Variants in NRP1 observed in about 807,000 individuals in gnomAD.
NRP1 encodes the protein neuropilin 1.
A neutral mutation model predicts 106.7 loss-of-function variants in NRP1; 35 were observed. The ratio of observed to expected loss-of-function variants is 0.33; its 90% CI spans 0.25 to 0.43. The LOEUF is 0.43. NRP1 is among the 20% of genes least tolerant of loss of function. NRP1 has a pLI of 1.00. For missense variants in NRP1, 1,024 were observed against 1,170.4 expected (o/e 0.87, Z 1.83); for synonymous variants, 437 against 417.9 (o/e 1.05, Z -0.56).
chr10:33,291,200 T>C (rs1420607162), intron 2 of NRP1, among the ~76,000 whole-genome samples: 1 of 152,204 alleles, frequency 6.6e-6, no homozygotes, highest in African/African-American at 2.4e-5. Context: ...TCAGCTATTA[T>C]CTGGGCAGTA....
intron 7 of NRP1, among the ~76,000 whole-genome samples, chr10:33,225,552 G>A (rs1484273435): frequency 2.0e-5 from 3 of 152,210 alleles, no homozygotes; most frequent in African/African-American, 4.8e-5. Context: ...AGGGCAGAGC[G>A]CCGAGGGACA....
intron 6 of NRP1, among the ~76,000 whole-genome samples, chr10:33,246,538 G>C (rs906846884): frequency 2.0e-5 from 3 of 151,656 alleles, no homozygotes; most frequent in African/African-American, 7.3e-5. Context: ...CTTCCTTCCA[G>C]ATGAATGTTT....
chr10:33,297,686 C>CA (rs10711145), intron 2 of NRP1, among the ~76,000 whole-genome samples: 18,421 of 95,888 alleles, frequency 0.19, 1,837 homozygotes, highest in African/African-American at 0.31. Context: ...GACTTTGTCT[C>CA]AAAAAAAAAA....
chr10:33,323,450 T>G (rs1437336116), intron 2 of NRP1, among the ~76,000 whole-genome samples: 1 of 151,114 alleles, frequency 6.6e-6, no homozygotes, highest in Non-Finnish European at 1.5e-5. Flanking sequence ...ATTCTGTTTG[T>G]TTTTTTTTCT....
At position 33,180,103 on chromosome 10, in the gene NRP1, A is replaced by T. The variant is rs746072156; in HGVS notation, c.2745T>A (p.Asn915Lys). 14 of 1,613,994 alleles carry T rather than the reference A, an allele frequency of 8.7e-6. No homozygotes were observed. Among genetic ancestry groups the T allele is most frequent in the Non-Finnish European group, 1.2e-5 (14 of 1,179,992 alleles). ...DGVKLKKDKL[N>K]TQSTYSEA is the part of the protein sequence containing the mutation. The stretch of plus-strand genomic sequence containing the variant: ...ATGCCTCCGAATAAGTACTCTGTGT[A>T]TTCAGTTTGTCTTTTTTCAACTTCA... The change falls in exon 17 of 17, where the codon AAT (asparagine) becomes AAA (lysine). Residue 915 changes from asparagine to lysine, a missense_variant. This residue lies in a region of NRP1 where 164 missense variants were observed against 161.4 expected (regional missense o/e 1.02). Transcript: ENST00000374867.
intron 9 of NRP1, among the ~76,000 whole-genome samples, chr10:33,210,353 A>G (rs1838201963): frequency 6.6e-6 from 1 of 152,190 alleles, no homozygotes; most frequent in African/African-American, 2.4e-5. Flanking sequence ...ATTACTACAT[A>G]TGCAAGTTCT....
At chr10:33,215,450 C>A (rs567868094) in intron 8 of NRP1, among the ~76,000 whole-genome samples, 5 of 152,308 alleles carry the variant, frequency 3.3e-5, no homozygotes, top group African/African-American at 1.2e-4. Context: ...TCTTCTAAAG[C>A]AGCCCAAGGA....
chr10:33,221,997 C>T, intron 7 of NRP1, 134 bp from the exon 8 acceptor site: 1 of 880,356 alleles, frequency 1.1e-6, no homozygotes. Context: ...GCGTTAATAA[C>T]TCGCCATGTT....
chr10:33,304,829 G>A (rs2065366), intron 2 of NRP1, among the ~76,000 whole-genome samples: 6,053 of 152,278 alleles, frequency 0.04, 427 homozygotes, highest in African/African-American at 0.14. Flanking sequence ...AGGGGAGCTC[G>A]CTGCTTTTCG....
chr10:33,308,207 C>G (rs577506447), intron 2 of NRP1, among the ~76,000 whole-genome samples: 11 of 151,916 alleles, frequency 7.2e-5, no homozygotes, highest in Non-Finnish European at 1.5e-4. Flanking sequence ...GCAGGGTCTA[C>G]TTGAGGATGG....
At position 33,280,687 on chromosome 10, in the gene NRP1, A is replaced by G. The variant is rs1326436744; in HGVS notation, c.249-9831T>C. 3.3e-5 allele frequency among the ~76,000 whole-genome samples: 5 copies of G among 152,194 alleles called. 1 individual carries two copies. In the Middle Eastern group the frequency reaches 0.01, roughly 311 times the overall value. Reference sequence around the variant, plus strand: ...CTTACTTTGAAGGTTTTTTCCCTATAAAGAATATTCTCCAACAGGCGCTGT... The same window carrying G: ...CTTACTTTGAAGGTTTTTTCCCTATGAAGAATATTCTCCAACAGGCGCTGT... On this transcript the variant is annotated intron_variant, in intron 2 of 16. Transcript: ENST00000374867.
chr10:33,216,357 C>T (rs972545396), intron 8 of NRP1, among the ~76,000 whole-genome samples: 2 of 152,010 alleles, frequency 1.3e-5, no homozygotes, highest in African/African-American at 2.4e-5. Flanking sequence ...AGGATGGTCT[C>T]GATCTCCTGA....
intron 2 of NRP1, among the ~76,000 whole-genome samples, chr10:33,310,041 G>T (rs1210369845): frequency 6.9e-6 from 1 of 144,892 alleles, no homozygotes; most frequent in African/African-American, 2.6e-5. Flanking sequence ...TCCGCCTCCC[G>T]GGTTCACGCC....
At chr10:33,278,071 C>T (rs1832354757) in intron 2 of NRP1, among the ~76,000 whole-genome samples, 1 of 152,176 alleles carries the variant, frequency 6.6e-6, no homozygotes, top group African/African-American at 2.4e-5. Flanking sequence ...TACTTCTATA[C>T]TTTGCGATGT....
intron 8 of NRP1, among the ~76,000 whole-genome samples, chr10:33,219,418 A>T (rs1197592982): frequency 6.6e-6 from 1 of 152,214 alleles, no homozygotes; most frequent in African/African-American, 2.4e-5. Context: ...GCTTCTGGCA[A>T]TTATTTGGAG....
chr10:33,281,359 A>AT (rs1204086895), intron 2 of NRP1, among the ~76,000 whole-genome samples: 3 of 117,246 alleles, frequency 2.6e-5, no homozygotes, highest in East Asian at 5.6e-4. Context: ...CTCCAAAGTA[A>AT]TTTTTTTTAA....
At chr10:33,299,952 C>T (rs546712179) in intron 2 of NRP1, among the ~76,000 whole-genome samples, 6 of 152,284 alleles carry the variant, frequency 3.9e-5, no homozygotes, top group South Asian at 2.1e-4. Flanking sequence ...TCTAAAGAGA[C>T]GGCTGTAAAA....
Position 33,334,529 on chromosome 10 carries a change from G to A in NRP1, c.-147C>T, listed in dbSNP as rs1848504489. 1 of 650,558 alleles carries A rather than the reference G, an allele frequency of 1.5e-6. No homozygotes were observed. Among genetic ancestry groups the A allele is most frequent in the African/African-American group, 1.9e-5 (1 of 52,150 alleles). The allele number at this position is 650,558 out of a possible 1,614,324, so 40.3% of individuals were successfully genotyped here. A position where few individuals can be genotyped will look rare whatever the true frequency, so the allele number is the denominator to read the frequency against. On this transcript the variant is annotated 5_prime_UTR_variant, in exon 1 of 17. Coordinates refer to ENST00000374867, the MANE Select transcript of NRP1 (RefSeq NM_003873.7). ...AGCCCGTCTTGGAGAAAAGAAAGCA[G>A]CGAGGCAATGCCTGGATCCGAGAGG...
At chr10:33,265,037 G>C (rs1011628512) in intron 3 of NRP1, among the ~76,000 whole-genome samples, 1 of 151,004 alleles carries the variant, frequency 6.6e-6, no homozygotes, top group Non-Finnish European at 1.5e-5. Context: ...TTGAACCCGG[G>C]AGGCAGAGGT....
Sources: gnomAD v4.1 joint callset for allele counts (sites outside exome capture counted in the v4.1 genomes callset) on GRCh38, gnomAD v4.1.1 for gene constraint, gnomAD v4.1.1 regional missense constraint, MANE v1.5 for transcripts, NCBI Gene and HGNC (gene_info 2026-07-23, HGNC 2026-07-21) for gene names.